The following ARHGDIB variants were observed in gnomAD, a reference collection of about 807,000 sequenced individuals.
ARHGDIB encodes the protein rho GDP-dissociation inhibitor 2.
In ARHGDIB, 20 loss-of-function variants were observed where a neutral mutation model predicts 22.6. The ratio of observed to expected loss-of-function variants is 0.88; its 90% CI spans 0.62 to 1.28. The LOEUF is 1.28. Among genes scored for constraint, ARHGDIB ranks in the 50% most tolerant of loss-of-function variants. ARHGDIB has a pLI of 0.00. For synonymous variants in ARHGDIB, 114 were observed against 96.1 expected, an observed-to-expected ratio of 1.19 and a Z score of -1.09; for missense variants, 254 against 245.4, an observed-to-expected ratio of 1.04 and a Z score of -0.23.
chr12:14,948,100 G>GCGCGCGCCCA, intron 3 of ARHGDIB, 151 bp from the exon 4 acceptor site: 6 of 436,272 alleles, frequency 1.4e-5, no homozygotes, highest in African/African-American at 8.5e-5. Context: ...TTTAGTCCTT[G>GCGCGCGCCCA]CACACACACA....
intron 5 of ARHGDIB, 134 bp downstream of exon 5, chr12:14,944,642 C>A (rs942904858): frequency 4.0e-5 from 32 of 808,140 alleles, no homozygotes; most frequent in Non-Finnish European, 5.8e-5. Flanking sequence ...GTATTTGTGC[C>A]TTTTCCTAGA....
chr12:14,952,837 C>G (rs754050936), intron 1 of ARHGDIB, among the ~76,000 whole-genome samples: 2 of 152,210 alleles, frequency 1.3e-5, no homozygotes, highest in Non-Finnish European at 2.9e-5. Flanking sequence ...TTGGTTCTAA[C>G]AAGTCGCCTG....
At position 14,957,102 on chromosome 12, in the gene ARHGDIB, C is replaced by G. The variant is rs899985913; in HGVS notation, c.-13+4435G>C. Among the ~76,000 whole-genome samples the G allele has an allele frequency of 3.9e-5, 6 of 152,158 alleles. 1 individual carries two copies. Among genetic ancestry groups the G allele is most frequent in the African/African-American group, 1.4e-4 (6 of 41,418 alleles). ...ATTCAGAGAAAGGTGACTTTCATGT[C>G]TCATAGAACATAGATTGAGTCAGAT... On this transcript the variant is annotated intron_variant, in intron 1 of 5. Transcript: ENST00000228945.
intron 1 of ARHGDIB, among the ~76,000 whole-genome samples, chr12:14,958,346 A>G (rs1864343459): frequency 6.6e-6 from 1 of 152,214 alleles, no homozygotes; most frequent in Admixed American, 6.5e-5. Context: ...GAGAAAAACC[A>G]AAGACAAGAT....
intron 5 of ARHGDIB, among the ~76,000 whole-genome samples, chr12:14,943,367 G>T (rs1365175011): frequency 6.7e-6 from 1 of 148,752 alleles, no homozygotes; most frequent in African/African-American, 2.5e-5. Flanking sequence ...AATCAATGGG[G>T]ATTAAGCCTG....
intron 5 of ARHGDIB, among the ~76,000 whole-genome samples, chr12:14,944,249 G>A (rs549653393): frequency 9.9e-5 from 15 of 151,438 alleles, no homozygotes; most frequent in African/African-American, 3.6e-4. Context: ...ATGTTGTTGT[G>A]TTATTTTAAT....
chr12:14,943,779 A>C (rs1194407966), intron 5 of ARHGDIB, among the ~76,000 whole-genome samples: 1 of 152,224 alleles, frequency 6.6e-6, no homozygotes, highest in Admixed American at 6.5e-5. Context: ...TGAAAAGTAT[A>C]CATAGGCAGA....
intron 1 of ARHGDIB, among the ~76,000 whole-genome samples, chr12:14,957,751 A>G (rs1864331705): frequency 6.6e-6 from 1 of 152,102 alleles, no homozygotes; most frequent in South Asian, 2.1e-4. Flanking sequence ...TGGATCTGCA[A>G]AATTGTGCTG....
Position 14,942,243 on chromosome 12 carries a change from G to T in ARHGDIB, c.*279C>A, listed in dbSNP as rs1863879614. 2 of 428,724 alleles carry T rather than the reference G, an allele frequency of 4.7e-6. No homozygotes were observed. The highest frequency in any genetic ancestry group is 7.1e-5 in the Admixed American group (2 of 28,076). The allele number at this position is 428,724 out of a possible 1,614,324, so 26.6% of individuals were successfully genotyped here. Reference sequence around the variant, plus strand: ...CTGGCCTCTAGTTGCTTGAATAGGGGTAAGACAGGGAAATATTAAATGATT... The same window carrying T: ...CTGGCCTCTAGTTGCTTGAATAGGGTTAAGACAGGGAAATATTAAATGATT... On this transcript the variant is annotated 3_prime_UTR_variant, in exon 6 of 6. Coordinates refer to ENST00000228945, the MANE Select transcript of ARHGDIB (RefSeq NM_001175.7).
chr12:14,947,014 T>A (rs746957915), intron 4 of ARHGDIB, among the ~76,000 whole-genome samples: 2 of 151,890 alleles, frequency 1.3e-5, no homozygotes, highest in Non-Finnish European at 2.9e-5. Context: ...AGGGAGGTCA[T>A]CCATAAACCC....
intron 1 of ARHGDIB, among the ~76,000 whole-genome samples, chr12:14,956,768 T>C (rs113914904): frequency 1.1e-3 from 169 of 152,334 alleles, no homozygotes; most frequent in Admixed American, 1.8e-3. Context: ...CACATCCTCA[T>C]GTTTGCTACT....
chr12:14,950,804 CTT>C, intron 1 of ARHGDIB, 80 bp from the exon 2 acceptor site: 5 of 1,184,692 alleles, frequency 4.2e-6, no homozygotes, highest in African/African-American at 1.5e-5. Flanking sequence ...TAGCAGCCTC[CTT>C]ACCCTCATGG....
At chr12:14,949,965 G>C (rs547662784) in intron 2 of ARHGDIB, 80 bp from the exon 3 acceptor site, 400 of 1,235,442 alleles carry the variant, frequency 3.2e-4, no homozygotes, top group Non-Finnish European at 4.0e-4. Context: ...GGGAGACAGA[G>C]AGTATGAAAA....
chr12:14,950,496 G>T, intron 2 of ARHGDIB, 36 bp downstream of exon 2: 1 of 1,554,718 alleles, frequency 6.4e-7, no homozygotes, highest in South Asian at 1.2e-5. Flanking sequence ...CCCTCTCAGC[G>T]ATCTTCCACC....
chr12:14,952,293 A>AAG (rs139407005), intron 1 of ARHGDIB, among the ~76,000 whole-genome samples: 6 of 151,242 alleles, frequency 4.0e-5, no homozygotes, highest in South Asian at 2.1e-4. Context: ...AAAAAAAAAA[A>AAG]AGAGAAACAA....
intron 5 of ARHGDIB, among the ~76,000 whole-genome samples, chr12:14,943,539 T>C (rs1309756601): frequency 6.6e-6 from 1 of 152,200 alleles, no homozygotes; most frequent in Non-Finnish European, 1.5e-5. Flanking sequence ...GTGTATATGA[T>C]GGACTTTAAG....
At chr12:14,942,749 T>A in intron 5 of ARHGDIB, 28 bp from the exon 6 acceptor site, 1 of 1,604,424 alleles carries the variant, frequency 6.2e-7, no homozygotes, top group Non-Finnish European at 8.5e-7. Context: ...TTCATTAGGG[T>A]AAGAGCCTGA....
At chr12:14,946,232 G>A (rs1271279256) in intron 4 of ARHGDIB, among the ~76,000 whole-genome samples, 1 of 152,214 alleles carries the variant, frequency 6.6e-6, no homozygotes, top group African/African-American at 2.4e-5. Flanking sequence ...AGCTGTGGAA[G>A]TCAGAGATAC....
At chr12:14,959,512 A>C (rs897974033) in intron 1 of ARHGDIB, among the ~76,000 whole-genome samples, 1 of 152,196 alleles carries the variant, frequency 6.6e-6, no homozygotes, top group Non-Finnish European at 1.5e-5. Context: ...ACCAGGCCTG[A>C]CACATAGAAG....
Sources: gnomAD v4.1 joint callset for allele counts (sites outside exome capture counted in the v4.1 genomes callset) on GRCh38, gnomAD v4.1.1 for gene constraint, MANE v1.5 for transcripts, NCBI Gene and HGNC (gene_info 2026-07-23, HGNC 2026-07-21) for gene names.